Variants in DOCK10 observed in about 807,000 individuals in gnomAD.
DOCK10 encodes dedicator of cytokinesis protein 10.
A neutral mutation model predicts 280.1 loss-of-function variants in DOCK10; 145 were observed. That is an observed-to-expected ratio of 0.52 (90% CI 0.45 to 0.59). The LOEUF (loss-of-function observed/expected upper bound fraction) is 0.59, where lower values mean the gene tolerates loss of function less well. DOCK10 is among the 20% of genes least tolerant of loss of function. The pLI, the probability that DOCK10 is intolerant of heterozygous loss-of-function variation, is 0.00. For synonymous variants in DOCK10, 915 were observed against 942.2 expected (o/e 0.97, Z 0.53); for missense variants, 2,368 against 2,651.7 (o/e 0.89, Z 2.35).
intron 7 of DOCK10, among the ~76,000 whole-genome samples, chr2:224,877,361 A>G (rs16866265): frequency 0.19 from 28,792 of 148,614 alleles, 4,732 homozygotes; most frequent in African/African-American, 0.46. Context: ...ATGTAATAGT[A>G]CGGACACTTG....
chr2:224,957,191 G>A (rs1193996871), intron 1 of DOCK10, among the ~76,000 whole-genome samples: 1 of 151,952 alleles, frequency 6.6e-6, no homozygotes, highest in Non-Finnish European at 1.5e-5. Context: ...CAGCCACTGA[G>A]GTCCTCAGAA....
intron 13 of DOCK10, among the ~76,000 whole-genome samples, chr2:224,863,882 TAA>T (rs1476884991): frequency 5.9e-5 from 9 of 152,268 alleles, no homozygotes; most frequent in African/African-American, 2.2e-4. Flanking sequence ...CTTTTTCACT[TAA>T]GTGGTATTAT....
intron 50 of DOCK10, among the ~76,000 whole-genome samples, chr2:224,780,147 G>A (rs984082810): frequency 6.6e-6 from 1 of 152,218 alleles, no homozygotes. Context: ...CAAAATGCAA[G>A]TAATTATAAA....
Position 224,874,140 on chromosome 2 carries a change from A to T in DOCK10, c.1113T>A (p.Leu371=). Reference sequence around the variant, plus strand: ...CAGGTTCCAAGAGATCTTTTTTTTGAAGTTTCAAGGTCTAAAAAAGTTTTG... The same window carrying T: ...CAGGTTCCAAGAGATCTTTTTTTTGTAGTTTCAAGGTCTAAAAAAGTTTTG... ...SLDPDIDTLK[L]QKKDLLEPES... Residue 371 remains leucine (L), a synonymous_variant, in exon 11 of 56, where the codon CTT becomes CTA. Transcript: ENST00000258390. 3.8e-6 allele frequency: 6 copies of T among 1,591,542 alleles called. No individual in the cohort carries two copies. The highest frequency in any genetic ancestry group is 5.1e-6 in the Non-Finnish European group (6 of 1,169,416).
chr2:224,795,511 TG>T (rs1382892012), intron 44 of DOCK10, among the ~76,000 whole-genome samples: 3 of 152,222 alleles, frequency 2.0e-5, no homozygotes, highest in Non-Finnish European at 4.4e-5. Flanking sequence ...TATTTAAGCT[TG>T]GATCAAAGAG....
chr2:225,003,566 T>C (rs1706493719), intron 1 of DOCK10, among the ~76,000 whole-genome samples: 1 of 152,224 alleles, frequency 6.6e-6, no homozygotes, highest in Non-Finnish European at 1.5e-5. Context: ...TTTGACTGAA[T>C]GAACCTTTTG....
chr2:224,950,590 G>A (rs1703673918), intron 1 of DOCK10, among the ~76,000 whole-genome samples: 1 of 152,138 alleles, frequency 6.6e-6, no homozygotes, highest in Non-Finnish European at 1.5e-5. Flanking sequence ...TAATATGAGT[G>A]AGGGAAAAAG....
At position 225,042,267 on chromosome 2, in the gene DOCK10, G is replaced by A; in HGVS notation, c.108C>T (p.Ser36=). 2.3e-6 allele frequency: 3 copies of A among 1,322,392 alleles called. No individual in the cohort carries two copies. Among genetic ancestry groups the A allele is most frequent in the Non-Finnish European group, 1.9e-6 (2 of 1,036,454 alleles). 81.9% of individuals were successfully genotyped at this position (1,322,392 alleles called of 1,614,324 possible). Residue 36 remains serine (S), a synonymous_variant, in exon 1 of 56, where the codon AGC becomes AGT. Coordinates refer to ENST00000258390, the MANE Select transcript of DOCK10 (RefSeq NM_014689.3). The surrounding 1 kb of genome is among the most constrained non-coding windows in gnomAD (Gnocchi z 5.1). ...AASAAAVAVS[S]RQQQRQEKPR... is the part of the protein sequence containing the mutation. The stretch of plus-strand genomic sequence containing the variant: ...CCGCACTCACCCGCTGCTGCTGCCG[G>A]CTGCTGACTGCCACCGCGGCGGCGG...
At chr2:224,923,541 T>C (rs1344437118) in intron 2 of DOCK10, among the ~76,000 whole-genome samples, 1 of 152,132 alleles carries the variant, frequency 6.6e-6, no homozygotes, top group Non-Finnish European at 1.5e-5. Flanking sequence ...GTGGTCTGAG[T>C]TTACCATCCA....
intron 42 of DOCK10, 53 bp from the exon 43 acceptor site, chr2:224,797,199 G>T: frequency 1.5e-6 from 2 of 1,297,744 alleles, no homozygotes; most frequent in Non-Finnish European, 2.1e-6. Context: ...ATTTTGCTCT[G>T]TTCATTCTCA....
intron 1 of DOCK10, among the ~76,000 whole-genome samples, chr2:224,976,939 T>C (rs1705479511): frequency 6.6e-6 from 1 of 152,188 alleles, no homozygotes; most frequent in Non-Finnish European, 1.5e-5. Flanking sequence ...ACAAACTGTA[T>C]AGTTAATCAG....
At chr2:224,943,543 GA>G (rs1559828749) in intron 1 of DOCK10, among the ~76,000 whole-genome samples, 1 of 152,118 alleles carries the variant, frequency 6.6e-6, no homozygotes, top group East Asian at 1.9e-4. Context: ...AAACAGATAT[GA>G]TAAGTATCTG....
intron 1 of DOCK10, among the ~76,000 whole-genome samples, chr2:225,011,890 A>G (rs1007593622): frequency 6.6e-6 from 1 of 152,176 alleles, no homozygotes; most frequent in African/African-American, 2.4e-5. Context: ...ACATGCCCCA[A>G]CGAGAACATC....
At chr2:224,857,120 T>C (rs1327865572) in intron 14 of DOCK10, 138 bp from the exon 15 acceptor site, 1 of 626,204 alleles carries the variant, frequency 1.6e-6, no homozygotes, top group East Asian at 3.1e-5. Context: ...GACCAAAAAC[T>C]TTTACAAATG....
intron 1 of DOCK10, among the ~76,000 whole-genome samples, chr2:225,029,325 C>A (rs1179424691): frequency 6.6e-6 from 1 of 152,174 alleles, no homozygotes; most frequent in Non-Finnish European, 1.5e-5. Context: ...GTGTGTACCA[C>A]CACAGTTGGC....
chr2:224,855,630 G>C (rs933251010), intron 15 of DOCK10, among the ~76,000 whole-genome samples: 1 of 152,074 alleles, frequency 6.6e-6, no homozygotes, highest in Non-Finnish European at 1.5e-5. Context: ...TCAAGTCCTT[G>C]CATTTCCCTC....
rs114476510 is a variant in DOCK10, at chr2:225,019,279, T to C, written c.123+22973A>G. Among the ~76,000 whole-genome samples the C allele has an allele frequency of 6.5e-3, 993 of 152,156 alleles. 12 individuals carry two copies. The highest frequency in any genetic ancestry group is 0.022 in the African/African-American group (932 of 41,510). On this transcript the variant is annotated intron_variant, in intron 1 of 55. Coordinates refer to ENST00000258390, the MANE Select transcript of DOCK10 (RefSeq NM_014689.3). The stretch of plus-strand genomic sequence containing the variant: ...AGTAAAGGCTGTCACCCTGACCACA[T>C]GATGTGTTCGTTTCCTGAACAGATA...
At chr2:224,927,204 G>A (rs1041981782) in intron 2 of DOCK10, among the ~76,000 whole-genome samples, 1 of 151,884 alleles carries the variant, frequency 6.6e-6, no homozygotes, top group Non-Finnish European at 1.5e-5. Context: ...GCAAGTTGGG[G>A]GAACAGAAAG....
At position 224,996,229 on chromosome 2, in the gene DOCK10, G is replaced by C. The variant is rs374803414; in HGVS notation, c.123+46023C>G. ...TGGTGATCACTAGGAGTCGGCTGGG[G>C]GTGCAAGAGGATAAGCTGCCTGGTA... On this transcript the variant is annotated intron_variant, in intron 1 of 55. Coordinates refer to ENST00000258390, the MANE Select transcript of DOCK10 (RefSeq NM_014689.3). Among the ~76,000 whole-genome samples, 4 of 152,124 alleles carry C rather than the reference G, an allele frequency of 2.6e-5. No individual in the cohort carries two copies. In the East Asian group the frequency reaches 5.8e-4, roughly 22 times the overall value.
Sources: gnomAD v4.1 joint callset for allele counts (sites outside exome capture counted in the v4.1 genomes callset) on GRCh38, gnomAD v4.1.1 for gene constraint, Gnocchi (gnomAD v3.1) non-coding constraint, MANE v1.5 for transcripts, NCBI Gene and HGNC (gene_info 2026-07-23, HGNC 2026-07-21) for gene names.